The following KLHL4 variants were observed in gnomAD, a reference collection of about 807,000 sequenced individuals.
KLHL4 encodes kelch like family member 4.
In KLHL4, 17 loss-of-function variants were observed where a neutral mutation model predicts 45.8. The observed-to-expected ratio is 0.37, with a 90% CI of 0.25 to 0.56. KLHL4 has a LOEUF of 0.56. Among genes scored for constraint, KLHL4 ranks in the 20% least tolerant of loss-of-function variants. The pLI, the probability that KLHL4 is intolerant of heterozygous loss-of-function variation, is 0.79. For missense variants in KLHL4, 544 were observed against 544.9 expected, an observed-to-expected ratio of 1.00 and a Z score of 0.02; for synonymous variants, 224 against 189.9, an observed-to-expected ratio of 1.18 and a Z score of -1.47.
chrX:87,616,529 A>T (rs1922562148), intron 3 of KLHL4, among the ~76,000 whole-genome samples: 1 of 111,785 alleles, frequency 8.9e-6, no homozygotes, highest in South Asian at 3.7e-4. Flanking sequence ...GGATAAGATA[A>T]TTCAGCCAGC....
rs190043170 is a variant in KLHL4 at position 87,597,669 on chromosome X, G to A, written c.423-16208G>A. Among the ~76,000 whole-genome samples the A allele has an allele frequency of 5.0e-3, 553 of 111,414 alleles. 9 individuals are homozygous for A. The highest frequency in any genetic ancestry group is 0.017 in the African/African-American group (514 of 30,768). ...TTTTGATTCATATTTGTTTTTCTGCGTGTAGAAACTAAGGGCTATACTAGG... is the reference window on the plus strand; with the variant it reads ...TTTTGATTCATATTTGTTTTTCTGCATGTAGAAACTAAGGGCTATACTAGG... On this transcript the variant is annotated intron_variant, in intron 1 of 10. Transcript: ENST00000373119.
chrX:87,590,650 C>A (rs1377849736), intron 1 of KLHL4, among the ~76,000 whole-genome samples: 1 of 110,915 alleles, frequency 9.0e-6, no homozygotes, highest in Admixed American at 9.6e-5. Flanking sequence ...ATATATAAAC[C>A]AAAGGAACAG....
intron 1 of KLHL4, among the ~76,000 whole-genome samples, chrX:87,541,532 C>T (rs1209630090): frequency 9.5e-6 from 1 of 105,676 alleles, no homozygotes; most frequent in African/African-American, 3.4e-5. Flanking sequence ...GTTTCCTCTG[C>T]GTTCTCTCTG....
intron 1 of KLHL4, among the ~76,000 whole-genome samples, chrX:87,547,023 T>C (rs901819682): frequency 4.5e-5 from 5 of 111,624 alleles, no homozygotes; most frequent in African/African-American, 6.5e-5. Context: ...TTGACTCAGG[T>C]GAGACTTTAG....
At chrX:87,608,715 G>A (rs1045110746) in intron 1 of KLHL4, among the ~76,000 whole-genome samples, 1 of 110,775 alleles carries the variant, frequency 9.0e-6, no homozygotes, top group African/African-American at 3.3e-5. Flanking sequence ...TCAAGCGAGA[G>A]GAAGGGTACT....
At chrX:87,646,137 AC>A (rs1405351238) in intron 9 of KLHL4, among the ~76,000 whole-genome samples, 1 of 111,645 alleles carries the variant, frequency 9.0e-6, no homozygotes, top group Non-Finnish European at 1.9e-5. Context: ...AACCCCTTTT[AC>A]AATAGCTGCA....
chrX:87,545,122 C>T (rs1468388061), intron 1 of KLHL4, among the ~76,000 whole-genome samples: 1 of 112,497 alleles, frequency 8.9e-6, no homozygotes, highest in African/African-American at 3.2e-5. Context: ...TAAAAAGAAT[C>T]AGCATAAATT....
intron 1 of KLHL4, among the ~76,000 whole-genome samples, chrX:87,572,296 T>C (rs1251990276): frequency 1.4e-5 from 1 of 72,485 alleles, no homozygotes; most frequent in African/African-American, 5.4e-5. Context: ...TCACAAATTG[T>C]CTACCCTTTC....
chrX:87,526,740 T>C (rs945902020), intron 1 of KLHL4, among the ~76,000 whole-genome samples: 6 of 111,924 alleles, frequency 5.4e-5, no homozygotes, highest in African/African-American at 1.9e-4. Context: ...GACTTCAGTT[T>C]TGTCGAAATG....
chrX:87,564,387 T>G (rs1316079138), intron 1 of KLHL4, among the ~76,000 whole-genome samples: 1 of 110,176 alleles, frequency 9.1e-6, no homozygotes, highest in Non-Finnish European at 1.9e-5. Flanking sequence ...TAATAGGATA[T>G]AAGATGTTAT....
intron 9 of KLHL4, among the ~76,000 whole-genome samples, chrX:87,647,820 G>A (rs1164069162): frequency 9.0e-6 from 1 of 110,994 alleles, no homozygotes; most frequent in East Asian, 2.8e-4. Context: ...AATTATTCAT[G>A]CAACTAAATA....
intron 1 of KLHL4, among the ~76,000 whole-genome samples, chrX:87,558,440 C>T (rs2147783478): frequency 9.0e-6 from 1 of 111,422 alleles, no homozygotes; most frequent in Non-Finnish European, 1.9e-5. Context: ...TAATTTTTAT[C>T]ACACCTCAAT....
At chrX:87,586,127 AC>A (rs1332546368) in intron 1 of KLHL4, among the ~76,000 whole-genome samples, 4 of 111,488 alleles carry the variant, frequency 3.6e-5, no homozygotes, top group African/African-American at 1.3e-4. Context: ...GATACATAAA[AC>A]AAATATTGTT....
intron 9 of KLHL4, among the ~76,000 whole-genome samples, chrX:87,651,796 G>A (rs1174216529): frequency 8.9e-6 from 1 of 112,096 alleles, no homozygotes; most frequent in East Asian, 2.9e-4. Flanking sequence ...CAAGCTGTCA[G>A]TGGATTTACC....
intron 5 of KLHL4, 53 bp downstream of exon 5, chrX:87,622,476 C>T (rs1922785026): frequency 9.1e-6 from 7 of 768,124 alleles, no homozygotes; most frequent in South Asian, 3.7e-5. Context: ...TACCACTAGG[C>T]ACTAATCCAT....
intron 1 of KLHL4, among the ~76,000 whole-genome samples, chrX:87,561,142 A>T (rs1318388623): frequency 9.0e-6 from 1 of 111,493 alleles, no homozygotes; most frequent in East Asian, 2.9e-4. Context: ...ACCTCCAATG[A>T]TGGTCTCGCC....
chrX:87,646,475 C>T (rs1269957003), intron 9 of KLHL4, among the ~76,000 whole-genome samples: 2 of 111,722 alleles, frequency 1.8e-5, no homozygotes, highest in Non-Finnish European at 3.8e-5. Context: ...AGAGGCATTA[C>T]ATTACACAAC....
At chrX:87,610,758 G>A (rs1420374357) in intron 1 of KLHL4, among the ~76,000 whole-genome samples, 3 of 111,517 alleles carry the variant, frequency 2.7e-5, no homozygotes, top group Non-Finnish European at 5.6e-5. Context: ...CAGTGTAAAT[G>A]AAAAAGGATT....
intron 10 of KLHL4, 135 bp from the exon 11 acceptor site, chrX:87,666,340 G>A (rs745320989): frequency 2.2e-4 from 115 of 531,596 alleles, no homozygotes; most frequent in Non-Finnish European, 2.9e-4. Context: ...CTAGGCTGCA[G>A]ATTATCTCAT....
Sources: gnomAD v4.1 joint callset for allele counts (sites outside exome capture counted in the v4.1 genomes callset) on GRCh38, gnomAD v4.1.1 for gene constraint, MANE v1.5 for transcripts, NCBI Gene and HGNC (gene_info 2026-07-23, HGNC 2026-07-21) for gene names.